The following TTN variants were observed in gnomAD, a reference collection of about 807,000 sequenced individuals.
TTN encodes the protein titin.
In TTN, 1,525 loss-of-function variants were observed where a neutral mutation model predicts 3,223.0. The observed-to-expected ratio is 0.47, with a 90% CI of 0.45 to 0.49. TTN has a LOEUF of 0.49. Among genes scored for constraint, TTN ranks in the 20% least tolerant of loss-of-function variants. The pLI is 0.00. For missense variants in TTN, 40,786 were observed against 43,424.0 expected (o/e 0.94, Z 5.40); for synonymous variants, 14,094 against 15,161.0 (o/e 0.93, Z 5.17).
In TTN at chr2:178,759,182, A is replaced by G; in HGVS notation, c.10115-10T>C. 3.1e-6 allele frequency: 5 copies of G among 1,613,890 alleles called. No individual in the cohort carries two copies. The highest frequency in any genetic ancestry group is 4.2e-6 in the Non-Finnish European group (5 of 1,179,896). On this transcript the variant is annotated splice_polypyrimidine_tract_variant and intron_variant, in intron 43 of 362. Coordinates refer to ENST00000589042, the MANE Select transcript of TTN (RefSeq NM_001267550.2). ...CACGACACTTTTAGATCTGCGACAC[A>G]AAAGAAAAGAGATACTTCAACCACA...
In TTN at chr2:178,651,471, C is replaced by T. The variant is rs755543648; in HGVS notation, c.39529G>A (p.Glu13177Lys). ...CATATACCTTTAGCAGGTGGGGCTT[C>T]TGGCTTTTTGGGAACCACCAGAGGC... ...KVPLVVPKKPEAPPAKVPEVP... is the reference protein window; with the variant it reads ...KVPLVVPKKPKAPPAKVPEVP... Residue 13177 changes from glutamate to lysine, a missense_variant, in exon 207 of 363, where the codon GAA (glutamate) becomes AAA (lysine). Transcript: ENST00000589042. 5.6e-6 allele frequency: 9 copies of T among 1,611,852 alleles called. No homozygotes were observed. Among genetic ancestry groups the T allele is most frequent in the Non-Finnish European group, 6.8e-6 (8 of 1,179,240 alleles).
Position 178,614,071 on chromosome 2 carries a change from T to C in TTN, c.49326A>G (p.Ile16442Met). The C allele has an allele frequency of 6.2e-7, 1 of 1,612,374 alleles. No individual in the cohort carries two copies. The highest frequency in any genetic ancestry group is 1.1e-5 in the South Asian group (1 of 90,954). The change falls in exon 262 of 363, where the codon ATA becomes ATG. Residue 16442 changes from isoleucine (I) to methionine (M), a missense_variant. Physicochemically the swap from Ile to Met is conservative, Grantham distance 10 (BLOSUM62 1). Coordinates refer to ENST00000589042, the MANE Select transcript of TTN (RefSeq NM_001267550.2). ...GVGEPVQASPITAKYQFDPPG... is the reference protein window; with the variant it reads ...GVGEPVQASPMTAKYQFDPPG... Reference sequence around the variant, plus strand: ...ACTTACCAAACTGATATTTGGCTGTTATTGGAGAGGCCTGAACTGGTTCAC... The same window carrying C: ...ACTTACCAAACTGATATTTGGCTGTCATTGGAGAGGCCTGAACTGGTTCAC...
Position 178,775,004 on chromosome 2 carries a change from A to C in TTN, c.6707T>G (p.Ile2236Ser). The C allele has an allele frequency of 6.2e-7, 1 of 1,614,050 alleles. No individual in the cohort carries two copies. The highest frequency in any genetic ancestry group is 8.5e-7 in the Non-Finnish European group (1 of 1,179,958). ...GTAATCTTCAGCATCAGACGTATCA[A>C]TGGTCAGTATGGAGAGGAAGTGAAC... ...RKVHFLSILT[I>S]DTSDAEDYSC... The change falls in exon 29 of 363, where the codon ATT (isoleucine) becomes AGT (serine). Residue 2236 changes from isoleucine (I) to serine (S), a missense_variant. Ile to Ser is a moderately radical substitution (Grantham distance 142). Coordinates refer to ENST00000589042, the MANE Select transcript of TTN (RefSeq NM_001267550.2).
chr2:178,722,532 G>A lies in TTN; in HGVS notation c.22255C>T (p.Pro7419Ser), dbSNP rs1486377872. 6.2e-6 allele frequency: 10 copies of A among 1,611,820 alleles called. No individual in the cohort carries two copies. The highest frequency in any genetic ancestry group is 8.5e-6 in the Non-Finnish European group (10 of 1,178,652). Residue 7419 changes from proline to serine, a missense_variant, in exon 77 of 363, where the codon CCT (proline) becomes TCT (serine). Pro to Ser is a moderately conservative substitution (Grantham distance 74). Coordinates refer to ENST00000589042, the MANE Select transcript of TTN (RefSeq NM_001267550.2). ...VFRIQERQLP[P>S]SFARQLKDIE... ...TCCTTTAATTGTCTTGCAAAAGAAG[G>A]TGGGAGTTGGCGCTCTGTAGGGAGA...
rs1183604013 is a variant in TTN at position 178,640,054 on chromosome 2, C to T, written c.40780G>A (p.Glu13594Lys). The T allele has an allele frequency of 2.2e-5, 36 of 1,611,968 alleles. No homozygotes were observed. The highest frequency in any genetic ancestry group is 2.6e-5 in the Non-Finnish European group (31 of 1,178,766). Residue 13594 changes from glutamate to lysine, a missense_variant, in exon 222 of 363, where the codon GAA (glutamate) becomes AAA (lysine). By Grantham distance (56) the Glu-to-Lys change is moderately conservative (BLOSUM62 1). Transcript: ENST00000589042. ...TGAGGATAAGCTTGCTCACCTGCTT[C>T]GGGCTTTGGTTTCGGTTCAGGTGCA... Reference protein sequence around the residue: ...LPAPEPKPKPEAEVKTIKPPP... With the variant: ...LPAPEPKPKPKAEVKTIKPPP...
intron 47 of TTN, chr2:178,749,080 T>A: frequency 6.2e-7 from 1 of 1,612,964 alleles, no homozygotes; most frequent in Non-Finnish European, 8.5e-7. Context: ...ATTCTTCATA[T>A]ACAATGGCAG....
At chr2:178,527,871 C>A in intron 361 of TTN, 123 bp from the exon 362 acceptor site, 2 of 917,274 alleles carry the variant, frequency 2.2e-6, no homozygotes, top group Non-Finnish European at 3.2e-6. Flanking sequence ...AAACAATTTG[C>A]TGTTGAAGCA....
chr2:178,640,394 A>G, intron 221 of TTN, 147 bp downstream of exon 221: 1 of 772,566 alleles, frequency 1.3e-6, no homozygotes. Context: ...CCAATTGCAT[A>G]GGAGAGTGAG....
At position 178,589,024 on chromosome 2, in the gene TTN, G is replaced by A. The variant is rs1365375639; in HGVS notation, c.62701C>T (p.Leu20901=). The A allele has an allele frequency of 1.2e-6, 2 of 1,610,364 alleles. No homozygotes were observed. The highest frequency in any genetic ancestry group is 2.2e-5 in the East Asian group (1 of 44,558). The stretch of plus-strand genomic sequence containing the variant: ...ATTCGCTTTGTCTCACATTTTTCTA[G>A]AATATAATTTTGGATTTCACAGCCA... ...DGGCEIQNYI[L]EKCETKRMVW... The change falls in exon 304 of 363, where the codon CTA becomes TTA. Residue 20901 remains leucine, a synonymous_variant. Coordinates refer to ENST00000589042, the MANE Select transcript of TTN (RefSeq NM_001267550.2).
chr2:178,532,875 C>T lies in TTN; in HGVS notation c.103740G>A (p.Met34580Ile). 6.2e-7 allele frequency: 1 copy of T among 1,613,958 alleles called. No homozygotes were observed. The highest frequency in any genetic ancestry group is 8.5e-7 in the Non-Finnish European group (1 of 1,179,870). ...GTACAACTCTGTCAAGTTTCCCAGGCATTTCATACTGATCACGTATCTTTT... is the reference window on the plus strand; with the variant it reads ...GTACAACTCTGTCAAGTTTCCCAGGTATTTCATACTGATCACGTATCTTTT... ...WYKKIRDQYE[M>I]PGKLDRVVQK... The change falls in exon 358 of 363, where the codon ATG becomes ATA. Residue 34580 changes from methionine to isoleucine, a missense_variant. Physicochemically the swap from Met to Ile is conservative, Grantham distance 10. Transcript: ENST00000589042.
In TTN at chr2:178,632,256, G is replaced by A. The variant is rs764977967; in HGVS notation, c.43638C>T (p.Asp14546=). Reference sequence around the variant, plus strand: ...ATGTGATCGAATGAGTTTTCCCTTCGTCTTGCATTGAGACCGACCTGGTGG... The same window carrying A: ...ATGTGATCGAATGAGTTTTCCCTTCATCTTGCATTGAGACCGACCTGGTGG... The part of the protein sequence containing the change: ...LHTTRSVSMQ[D]EGKTHSITFK... The change falls in exon 236 of 363, where the codon GAC becomes GAT. Residue 14546 remains aspartate (D), a synonymous_variant. Coordinates refer to ENST00000589042, the MANE Select transcript of TTN (RefSeq NM_001267550.2). 33 of 1,608,650 alleles carry A rather than the reference G, an allele frequency of 2.1e-5. No homozygotes were observed. Among genetic ancestry groups the A allele is most frequent in the East Asian group, 1.3e-4 (6 of 44,492 alleles).
chr2:178,803,765 TATTG>T (rs752029515), intron 2 of TTN, among the ~76,000 whole-genome samples: 88 of 151,940 alleles, frequency 5.8e-4, no homozygotes, highest in African/African-American at 1.9e-3. Flanking sequence ...AAAGAGAAAA[TATTG>T]ATTAATTTTA....
chr2:178,804,231 C>T (rs1001638006), intron 2 of TTN, among the ~76,000 whole-genome samples: 14 of 152,186 alleles, frequency 9.2e-5, no homozygotes, highest in African/African-American at 3.1e-4. Context: ...TCCAGTCTGG[C>T]TCTGCAGCTG....
rs754798297 is a variant in TTN, at chr2:178,732,226, A to G, written c.16743T>C (p.Asp5581=). The change falls in exon 57 of 363, where the codon GAT becomes GAC. Residue 5581 remains aspartate (D), a synonymous_variant. Transcript: ENST00000589042. ...PPIKITWFAN[D]REIKESSKHR... is the part of the protein sequence containing the mutation. ...GTTTGCTGCTCTCCTTAATTTCTCT[A>G]TCATTTGCAAACCATGTTATTTTAA... The G allele has an allele frequency of 3.1e-6, 5 of 1,613,704 alleles. No individual in the cohort carries two copies. The highest frequency in any genetic ancestry group is 4.2e-6 in the Non-Finnish European group (5 of 1,179,794).
chr2:178,538,940 C>T lies in TTN; in HGVS notation c.98989+6G>A. The T allele has an allele frequency of 6.2e-7, 1 of 1,600,914 alleles. No individual in the cohort carries two copies. The highest frequency in any genetic ancestry group is 2.2e-5 in the East Asian group (1 of 44,648). On this transcript the variant is annotated splice_donor_region_variant and intron_variant, in intron 353 of 362. Transcript: ENST00000589042. Reference sequence around the variant, plus strand: ...TTAATTTAACCCCTTCTTCTGAATTCCTTACCAAATGGATCTTTGCAAACA... The same window carrying T: ...TTAATTTAACCCCTTCTTCTGAATTTCTTACCAAATGGATCTTTGCAAACA...
intron 21 of TTN, among the ~76,000 whole-genome samples, chr2:178,780,683 G>A (rs143516142): frequency 6.6e-6 from 1 of 152,276 alleles, no homozygotes; most frequent in African/African-American, 2.4e-5. Context: ...CTGACTTCCA[G>A]GTTTTCTTTA....
At chr2:178,745,159 C>G (rs112950198) in intron 47 of TTN, 2 of 993,854 alleles carry the variant, frequency 2.0e-6, no homozygotes, top group African/African-American at 1.7e-5. Context: ...AGAATGGGAG[C>G]AGAGAGATTT....
At chr2:178,609,099 A>G in intron 273 of TTN, 109 bp downstream of exon 273, 1 of 1,324,460 alleles carries the variant, frequency 7.6e-7, no homozygotes, top group Non-Finnish European at 1.0e-6. Context: ...ATGATTGAGG[A>G]TAACTTGCTG....
Position 178,636,476 on chromosome 2 carries a change from A to G in TTN, c.41251T>C (p.Ser13751Pro), listed in dbSNP as rs1327407922. The G allele has an allele frequency of 1.9e-6, 3 of 1,613,350 alleles. No homozygotes were observed. The highest frequency in any genetic ancestry group is 2.5e-6 in the Non-Finnish European group (3 of 1,179,560). Reference sequence around the variant, plus strand: ...ACACAGGTGTATTCACCAGCATCGGAAAGTTGAACATCAATGATGTGCAGC... The same window carrying G: ...ACACAGGTGTATTCACCAGCATCGGGAAGTTGAACATCAATGATGTGCAGC... The part of the protein sequence containing the change: ...RKLHIIDVQL[S>P]DAGEYTCVLR... Residue 13751 changes from serine to proline, a missense_variant, in exon 225 of 363, where the codon TCC becomes CCC. Ser to Pro is a moderately conservative substitution (Grantham distance 74, BLOSUM62 -1). Coordinates refer to ENST00000589042, the MANE Select transcript of TTN (RefSeq NM_001267550.2). This position sits in a 1 kb window ranked among gnomAD's most constrained non-coding sequence, Gnocchi z 4.3.
Sources: allele counts gnomAD v4.1 joint callset (sites outside exome capture counted in the v4.1 genomes callset), GRCh38; gene constraint gnomAD v4.1.1; non-coding constraint Gnocchi (gnomAD v3.1); transcripts MANE v1.5; gene names NCBI Gene and HGNC (gene_info 2026-07-23, HGNC 2026-07-21).